ASTN2: variants seen among roughly 807,000 people sequenced by gnomAD.
The protein encoded by ASTN2 is astrotactin 2, also known as astrotactin-2.
Under a neutral mutation model 139.8 loss-of-function variants are expected in ASTN2, and 54 were observed. The ratio of observed to expected loss-of-function variants is 0.39; its 90% CI spans 0.31 to 0.48. The LOEUF (loss-of-function observed/expected upper bound fraction) is 0.48. ASTN2 is among the 20% of genes least tolerant of loss of function. The probability of loss-of-function intolerance (pLI) is 0.95; values close to 1 mark genes in which losing one functional copy is unlikely to be tolerated. For missense variants in ASTN2, 1,565 were observed against 1,725.1 expected (o/e 0.91, Z 1.64); for synonymous variants, 756 against 719.5 (o/e 1.05, Z -0.81).
At chr9:116,789,426 T>A (rs1011731494) in intron 13 of ASTN2, among the ~76,000 whole-genome samples, 3 of 152,198 alleles carry the variant, frequency 2.0e-5, no homozygotes, top group Non-Finnish European at 4.4e-5. Context: ...TCAGGCAACA[T>A]AAAAAAATAA....
chr9:116,522,521 T>C (rs1022477303), intron 19 of ASTN2, among the ~76,000 whole-genome samples: 8 of 151,832 alleles, frequency 5.3e-5, no homozygotes, highest in Non-Finnish European at 1.0e-4. Flanking sequence ...GGGGAAAGGG[T>C]GAGGGGTGGC....
chr9:116,993,876 A>ATATTTTTTTTT (rs1030120382), intron 7 of ASTN2, among the ~76,000 whole-genome samples: 1 of 142,058 alleles, frequency 7.0e-6, no homozygotes, highest in Non-Finnish European at 1.5e-5. Flanking sequence ...ATATATATAT[A>ATATTTTTTTTT]TTTTAACTAT....
At chr9:116,581,363 C>T (rs1853944702) in intron 19 of ASTN2, among the ~76,000 whole-genome samples, 1 of 152,138 alleles carries the variant, frequency 6.6e-6, no homozygotes, top group African/African-American at 2.4e-5. Context: ...TTGACCACTA[C>T]CTTACTTCTT....
chr9:116,537,196 T>A (rs1004479102), intron 19 of ASTN2, among the ~76,000 whole-genome samples: 2 of 152,120 alleles, frequency 1.3e-5, no homozygotes, highest in African/African-American at 4.8e-5. Context: ...TTTGCTCAGT[T>A]GGAAATGCAG....
intron 3 of ASTN2, among the ~76,000 whole-genome samples, chr9:117,200,732 A>C (rs1356032073): frequency 6.6e-6 from 1 of 152,092 alleles, no homozygotes; most frequent in Non-Finnish European, 1.5e-5. Context: ...ATGGTGGATA[A>C]GTTTTTTGAC....
In ASTN2 at chr9:117,092,710, T is replaced by C. The variant is rs530663850; in HGVS notation, c.1276+3334A>G. On this transcript the variant is annotated intron_variant, in intron 5 of 22. Transcript: ENST00000313400. ...TGGTACTTTTATCTCTTTCTTCCCC[T>C]ACCTCCTTGAACTTCATCATCTCTT... is the stretch of plus-strand genomic sequence containing the variant. Among the ~76,000 whole-genome samples the C allele has an allele frequency of 2.0e-5, 3 of 152,308 alleles. No homozygotes were observed. In the South Asian group the frequency reaches 6.2e-4, roughly 32 times the overall value.
rs1554724602 is a variant in ASTN2 at position 116,642,132 on chromosome 9, C to CCA, written c.3072+9395_3072+9396insTG. Among the ~76,000 whole-genome samples, 153 of 48,924 alleles carry CCA rather than the reference C, an allele frequency of 3.1e-3. 3 individuals carry two copies. Among genetic ancestry groups the CCA allele is most frequent in the African/African-American group, 5.6e-3 (73 of 13,088 alleles). 32.1% of individuals were successfully genotyped at this position (48,924 alleles called of 152,430 possible). ...TGGGAAAATGAAGGCTCCCAACCCA[C>CCA]AAAAAAAAAAAAACAAAAAAAAACA... On this transcript the variant is annotated intron_variant, in intron 17 of 22. Transcript: ENST00000313400.
intron 13 of ASTN2, among the ~76,000 whole-genome samples, chr9:116,750,033 A>G (rs1163245685): frequency 6.6e-6 from 1 of 152,204 alleles, no homozygotes. Context: ...ATAGCAATGC[A>G]AATAGTCTAA....
At chr9:117,170,313 G>A (rs146985395) in intron 3 of ASTN2, among the ~76,000 whole-genome samples, 277 of 152,074 alleles carry the variant, frequency 1.8e-3, no homozygotes, top group African/African-American at 6.3e-3. Flanking sequence ...CCCATTGTGT[G>A]TCTCATCCTT....
chr9:116,908,221 G>A (rs941227114), intron 10 of ASTN2, among the ~76,000 whole-genome samples: 9 of 152,118 alleles, frequency 5.9e-5, no homozygotes, highest in Admixed American at 6.6e-5. Flanking sequence ...AAAGGAGCTT[G>A]GATAAGACTA....
At chr9:116,437,405 A>G (rs1847691774) in intron 22 of ASTN2, 1 of 471,282 alleles carries the variant, frequency 2.1e-6, no homozygotes, top group Non-Finnish European at 4.4e-6. Context: ...GAGACTAGAA[A>G]GACCAGAGGA....
At chr9:117,154,962 A>T (rs1439941255) in intron 3 of ASTN2, among the ~76,000 whole-genome samples, 1 of 152,064 alleles carries the variant, frequency 6.6e-6, no homozygotes, top group African/African-American at 2.4e-5. Flanking sequence ...GAAGTGAGTG[A>T]CATTATGGAG....
chr9:116,641,224 T>C (rs1161089846), intron 17 of ASTN2, among the ~76,000 whole-genome samples: 2 of 152,168 alleles, frequency 1.3e-5, no homozygotes, highest in Non-Finnish European at 2.9e-5. Context: ...TGTTAAGAAA[T>C]GAAGAGACAG....
In ASTN2 at chr9:117,118,572, G is replaced by C. The variant is rs368635650; in HGVS notation, c.1169-22421C>G. Among the ~76,000 whole-genome samples the C allele has an allele frequency of 2.0e-3, 303 of 152,282 alleles. 1 individual carries two copies. The highest frequency in any genetic ancestry group is 7.2e-3 in the African/African-American group (300 of 41,538). Reference sequence around the variant, plus strand: ...ATGCCTATTCCATGCACAAAAGTTAGAGAGGTCAGATTATAAATGTAAATC... The same window carrying C: ...ATGCCTATTCCATGCACAAAAGTTACAGAGGTCAGATTATAAATGTAAATC... On this transcript the variant is annotated intron_variant, in intron 4 of 22. Coordinates refer to ENST00000313400, the MANE Select transcript of ASTN2 (RefSeq NM_001365068.1).
rs577598299 is a variant in ASTN2 at position 116,555,539 on chromosome 9, C to T, written c.3355+62785G>A. On this transcript the variant is annotated intron_variant, in intron 19 of 22. Transcript: ENST00000313400. ...CTCTGTGCGGTCCACCTCCCCACCC[C>T]GTCCCCACCCCAGGCCATCAGAGCT... Among the ~76,000 whole-genome samples, 18 of 152,194 alleles carry T rather than the reference C, an allele frequency of 1.2e-4. No homozygotes were observed. In the East Asian group the frequency reaches 2.9e-3, roughly 25 times the overall value.
intron 2 of ASTN2, among the ~76,000 whole-genome samples, chr9:117,251,362 A>G (rs1833534197): frequency 6.6e-6 from 1 of 151,712 alleles, no homozygotes; most frequent in African/African-American, 2.4e-5. Flanking sequence ...CTATCCCATT[A>G]CCCTACTTCA....
chr9:116,783,489 A>G (rs1230740794), intron 13 of ASTN2, among the ~76,000 whole-genome samples: 1 of 152,190 alleles, frequency 6.6e-6, no homozygotes, highest in African/African-American at 2.4e-5. Context: ...AGGAGAAACA[A>G]TTAGCATGTA....
At chr9:116,505,237 C>T (rs993963465) in intron 19 of ASTN2, among the ~76,000 whole-genome samples, 2 of 151,654 alleles carry the variant, frequency 1.3e-5, no homozygotes, top group African/African-American at 4.8e-5. Flanking sequence ...TTCCTTTAAT[C>T]GCTTTGAGGC....
intron 11 of ASTN2, among the ~76,000 whole-genome samples, chr9:116,830,036 T>G (rs1831760682): frequency 6.6e-6 from 1 of 152,036 alleles, no homozygotes; most frequent in Non-Finnish European, 1.5e-5. Context: ...ATCAACAGAG[T>G]AAACAGACAA....
Sources: gnomAD v4.1 joint callset for allele counts (sites outside exome capture counted in the v4.1 genomes callset) on GRCh38, gnomAD v4.1.1 for gene constraint, MANE v1.5 for transcripts, NCBI Gene and HGNC (gene_info 2026-07-23, HGNC 2026-07-21) for gene names.